The following NF1 variants were observed in gnomAD, a reference collection of about 807,000 sequenced individuals.
The protein encoded by NF1 is neurofibromin.
A neutral mutation model predicts 325.7 loss-of-function variants in NF1; 122 were observed. The ratio of observed to expected loss-of-function variants is 0.37; its 90% confidence interval spans 0.32 to 0.44. NF1 has a LOEUF of 0.44. Ranked by LOEUF, NF1 falls within the 20% of genes least tolerant of loss-of-function variation. NF1 has a pLI of 1.00. For synonymous variants in NF1, 1,091 were observed against 1,186.0 expected, an observed-to-expected ratio of 0.92 and a Z score of 1.65; for missense variants, 2,140 against 3,415.4, an observed-to-expected ratio of 0.63 and a Z score of 9.31.
chr17:31,304,198 T>C, intron 36 of NF1: 1 of 1,458,162 alleles, frequency 6.9e-7, no homozygotes, highest in South Asian at 1.4e-5. Flanking sequence ...TTTATATATG[T>C]TAACATATAA....
chr17:31,100,544 T>A (rs1912225542), intron 1 of NF1, among the ~76,000 whole-genome samples: 1 of 151,956 alleles, frequency 6.6e-6, no homozygotes, highest in Non-Finnish European at 1.5e-5. Context: ...ATTTTTTAAT[T>A]TATTATTATT....
chr17:31,362,928 G>A (rs1464570729), intron 57 of NF1, among the ~76,000 whole-genome samples: 1 of 152,090 alleles, frequency 6.6e-6, no homozygotes, highest in Non-Finnish European at 1.5e-5. Context: ...CATTTGCTTT[G>A]GTGAAACAGT....
At chr17:31,274,786 G>A (rs2067972242) in intron 36 of NF1, among the ~76,000 whole-genome samples, 1 of 151,732 alleles carries the variant, frequency 6.6e-6, no homozygotes, top group Non-Finnish European at 1.5e-5. Flanking sequence ...TGAGCAAACT[G>A]TGACTTATTC....
In NF1 at chr17:31,219,018, A is replaced by C. The variant is rs775369084; in HGVS notation, c.1541A>C (p.Gln514Pro). Residue 514 changes from glutamine (Q) to proline (P), a missense_variant, in exon 14 of 58, where the codon CAG becomes CCG. Transcript: ENST00000358273. ...PKLLLCNPRK[Q>P]GPETQGSTAE... The stretch of plus-strand genomic sequence containing the variant: ...TTTTCCTTGCAGAATCCAAGAAAAC[A>C]GGGGCCCGAAACCCAAGGCAGTACA... 2.4e-5 allele frequency: 38 copies of C among 1,613,082 alleles called. No homozygotes were observed. The Admixed American group carries it at 6.4e-4, about 27-fold the overall frequency.
chr17:31,120,304 C>G (rs981251648), intron 1 of NF1, among the ~76,000 whole-genome samples: 1 of 152,082 alleles, frequency 6.6e-6, no homozygotes, highest in Non-Finnish European at 1.5e-5. Context: ...ATTTGTAGTT[C>G]TCCTTGAAGA....
At chr17:31,203,906 A>G (rs2066575498) in intron 11 of NF1, among the ~76,000 whole-genome samples, 1 of 152,108 alleles carries the variant, frequency 6.6e-6, no homozygotes, top group African/African-American at 2.4e-5. Context: ...GTTCATAAGT[A>G]CTGAGTTTAG....
chr17:31,238,745 A>G (rs1018188552), intron 29 of NF1, among the ~76,000 whole-genome samples: 2 of 152,046 alleles, frequency 1.3e-5, no homozygotes, highest in African/African-American at 4.8e-5. Flanking sequence ...AAAAAAAAAA[A>G]AAAGAAACTC....
At chr17:31,104,911 T>A (rs1912712841) in intron 1 of NF1, among the ~76,000 whole-genome samples, 1 of 152,200 alleles carries the variant, frequency 6.6e-6, no homozygotes, top group Admixed American at 6.5e-5. Context: ...TGTTTATTAT[T>A]CATTTATTTT....
At position 31,095,254 on chromosome 17, in the gene NF1, C is replaced by A. The variant is rs1911540854; in HGVS notation, c.-56C>A. On this transcript the variant is annotated 5_prime_UTR_variant, in exon 1 of 58. Coordinates refer to ENST00000358273, the MANE Select transcript of NF1 (RefSeq NM_001042492.3). ...CAGCCTCCGCTCCCCGCCCTCTTCC[C>A]GGCCCAGGGCGCCGGCCCACCCTTC... 1.3e-6 allele frequency: 2 copies of A among 1,506,770 alleles called. No individual in the cohort carries two copies. The highest frequency in any genetic ancestry group is 1.2e-5 in the South Asian group (1 of 83,362). The allele number at this position is 1,506,770 out of a possible 1,614,324, so 93.3% of individuals were successfully genotyped here.
At chr17:31,297,507 T>C (rs1454142802) in intron 36 of NF1, 1 of 152,200 alleles carries the variant, frequency 6.6e-6, no homozygotes, top group Admixed American at 6.5e-5. Context: ...TTGTCTGAGA[T>C]TGGGTTCCAT....
chr17:31,304,111 T>G, intron 36 of NF1: 2 of 678,816 alleles, frequency 2.9e-6, no homozygotes, highest in Non-Finnish European at 4.7e-6. Context: ...AAAAAAAAGT[T>G]TCATCTATGC....
At chr17:31,227,844 A>G (rs1199366509) in intron 20 of NF1, among the ~76,000 whole-genome samples, 1 of 152,210 alleles carries the variant, frequency 6.6e-6, no homozygotes, top group African/African-American at 2.4e-5. Flanking sequence ...CCTCAATCAT[A>G]TAGTAACCAC....
intron 16 of NF1, among the ~76,000 whole-genome samples, chr17:31,224,141 A>G (rs538737115): frequency 6.6e-6 from 1 of 152,282 alleles, no homozygotes; most frequent in South Asian, 2.1e-4. Flanking sequence ...CGATTCCTCC[A>G]ATAAGGGTTT....
chr17:31,288,525 T>G (rs1424131614), intron 36 of NF1, among the ~76,000 whole-genome samples: 2 of 47,190 alleles, frequency 4.2e-5, no homozygotes, highest in East Asian at 1.9e-3. Flanking sequence ...TTGCTTTGTT[T>G]TTTTTTTTTT....
At chr17:31,175,467 T>C (rs1392674257) in intron 5 of NF1, among the ~76,000 whole-genome samples, 2 of 149,214 alleles carry the variant, frequency 1.3e-5, no homozygotes, top group African/African-American at 2.5e-5. Context: ...TTCCCACTCC[T>C]GCTTTCGAAA....
At chr17:31,221,820 C>G (rs369953029) in intron 14 of NF1, 30 bp from the exon 15 acceptor site, 21 of 1,517,264 alleles carry the variant, frequency 1.4e-5, no homozygotes, top group Non-Finnish European at 1.9e-5. Context: ...TGAGTCTTCT[C>G]TTTGTCTTTC....
At chr17:31,221,084 G>T (rs980347633) in intron 14 of NF1, among the ~76,000 whole-genome samples, 1 of 152,112 alleles carries the variant, frequency 6.6e-6, no homozygotes, top group East Asian at 1.9e-4. Flanking sequence ...CACAGTTTCT[G>T]CTGGGTTGGG....
At chr17:31,323,081 A>G (rs2069253018) in intron 36 of NF1, among the ~76,000 whole-genome samples, 2 of 152,148 alleles carry the variant, frequency 1.3e-5, no homozygotes, top group Non-Finnish European at 2.9e-5. Flanking sequence ...GTGTACATAA[A>G]CATCAGATGA....
At chr17:31,101,662 C>A (rs1388440522) in intron 1 of NF1, among the ~76,000 whole-genome samples, 1 of 152,120 alleles carries the variant, frequency 6.6e-6, no homozygotes, top group Non-Finnish European at 1.5e-5. Flanking sequence ...TTTAATTCCT[C>A]CTTTGTGCTT....
Sources: gnomAD v4.1 joint callset for allele counts (sites outside exome capture counted in the v4.1 genomes callset) on GRCh38, gnomAD v4.1.1 for gene constraint, MANE v1.5 for transcripts, NCBI Gene and HGNC (gene_info 2026-07-23, HGNC 2026-07-21) for gene names.